The following RETREG1 variants were observed in gnomAD, a reference collection of about 807,000 sequenced individuals.
RETREG1 encodes the protein reticulophagy regulator 1.
Under a neutral mutation model 54.8 loss-of-function variants are expected in RETREG1, and 44 were observed. That is an observed-to-expected ratio of 0.80 (90% CI 0.63 to 1.03). RETREG1 has a LOEUF of 1.03. Among genes scored for constraint, RETREG1 ranks in the 50% least tolerant of loss-of-function variants. RETREG1 has a pLI of 0.00. For missense variants in RETREG1, 554 were observed against 605.1 expected, an observed-to-expected ratio of 0.92 and a Z score of 0.89; for synonymous variants, 217 against 238.5, an observed-to-expected ratio of 0.91 and a Z score of 0.83.
At chr5:16,558,351 A>C (rs1270497226) in intron 3 of RETREG1, among the ~76,000 whole-genome samples, 2 of 152,218 alleles carry the variant, frequency 1.3e-5, no homozygotes, top group Non-Finnish European at 2.9e-5. Context: ...CCATGGGATG[A>C]CATATCAAGA....
intron 3 of RETREG1, among the ~76,000 whole-genome samples, chr5:16,540,176 A>G (rs535244541): frequency 2.0e-5 from 3 of 152,296 alleles, no homozygotes; most frequent in Admixed American, 1.3e-4. Flanking sequence ...CCAAGCCTGG[A>G]TCCCCCCGCT....
At chr5:16,532,221 G>A (rs886172606) in intron 3 of RETREG1, among the ~76,000 whole-genome samples, 18 of 152,142 alleles carry the variant, frequency 1.2e-4, no homozygotes, top group African/African-American at 3.9e-4. Context: ...TAACTCAGCT[G>A]CTAGCGTTCA....
chr5:16,572,414 T>C (rs1742201287), intron 1 of RETREG1, among the ~76,000 whole-genome samples: 1 of 152,088 alleles, frequency 6.6e-6, no homozygotes, highest in Non-Finnish European at 1.5e-5. Context: ...GGTTTCGCCA[T>C]GTTGGCCAGG....
intron 6 of RETREG1, 98 bp from the exon 7 acceptor site, chr5:16,478,196 C>T: frequency 1.4e-6 from 1 of 737,422 alleles, no homozygotes; most frequent in South Asian, 1.6e-5. Flanking sequence ...TTCTCATATT[C>T]TCCAAATACA....
At chr5:16,490,929 C>T (rs1198114215) in intron 3 of RETREG1, among the ~76,000 whole-genome samples, 1 of 152,188 alleles carries the variant, frequency 6.6e-6, no homozygotes, top group East Asian at 1.9e-4. Flanking sequence ...GGTGAAACTC[C>T]TTGGTCCTAA....
At chr5:16,553,600 T>C (rs1741605934) in intron 3 of RETREG1, among the ~76,000 whole-genome samples, 1 of 152,120 alleles carries the variant, frequency 6.6e-6, no homozygotes, top group Non-Finnish European at 1.5e-5. Flanking sequence ...AATATTCATA[T>C]TTCATTTAAA....
rs573381868 is a variant in RETREG1 at position 16,569,896 on chromosome 5, A to G, written c.427+2100T>C. ...CAGAAGAGAAGGTCAGGTGAGCATG[A>G]AAACAGATTGCAGTGATGCGGCTGC... is the stretch of plus-strand genomic sequence containing the variant. On this transcript the variant is annotated intron_variant, in intron 2 of 8. Transcript: ENST00000306320. 3.3e-5 allele frequency among the ~76,000 whole-genome samples: 5 copies of G among 152,352 alleles called. No homozygotes were observed. The East Asian group carries it at 9.7e-4, about 29-fold the overall frequency.
chr5:16,543,559 C>G (rs1741304872), intron 3 of RETREG1, among the ~76,000 whole-genome samples: 1 of 151,836 alleles, frequency 6.6e-6, no homozygotes, highest in South Asian at 2.1e-4. Flanking sequence ...GCCTGTAATC[C>G]CAGCTACTTG....
intron 3 of RETREG1, among the ~76,000 whole-genome samples, chr5:16,563,945 T>C (rs925217881): frequency 3.9e-5 from 6 of 152,206 alleles, no homozygotes; most frequent in African/African-American, 1.4e-4. Context: ...CCATTGACAA[T>C]ATATCTTAAA....
intron 3 of RETREG1, among the ~76,000 whole-genome samples, chr5:16,500,462 G>A (rs1739660501): frequency 6.6e-6 from 1 of 152,154 alleles, no homozygotes; most frequent in South Asian, 2.1e-4. Flanking sequence ...ATAATGTCAT[G>A]TGGAAGAAGA....
chr5:16,542,552 A>G (rs774533221), intron 3 of RETREG1, among the ~76,000 whole-genome samples: 17 of 152,228 alleles, frequency 1.1e-4, no homozygotes, highest in Non-Finnish European at 2.5e-4. Context: ...CGCAGCCCAG[A>G]GCCATTCCCT....
At chr5:16,564,665 C>T (rs1194964427) in intron 3 of RETREG1, among the ~76,000 whole-genome samples, 1 of 152,200 alleles carries the variant, frequency 6.6e-6, no homozygotes, top group African/African-American at 2.4e-5. Context: ...CCCTCCCAGG[C>T]TGCCCGCCAC....
chr5:16,512,197 A>C lies in RETREG1; in HGVS notation c.459-28725T>G, dbSNP rs561613972. Among the ~76,000 whole-genome samples the C allele has an allele frequency of 3.3e-5, 5 of 152,280 alleles. No homozygotes were observed. The South Asian group carries it at 1.0e-3, about 32-fold the overall frequency. ...GACTCACAGAATTCAGATGTGGGAG[A>C]GACCCTGAGTGCCACAGAAGTGATC... is the stretch of plus-strand genomic sequence containing the variant. On this transcript the variant is annotated intron_variant, in intron 3 of 8. Transcript: ENST00000306320.
At chr5:16,539,067 G>A (rs1741163460) in intron 3 of RETREG1, among the ~76,000 whole-genome samples, 1 of 152,170 alleles carries the variant, frequency 6.6e-6, no homozygotes, top group Non-Finnish European at 1.5e-5. Context: ...GGTGACTGAA[G>A]TCATCTCTCC....
intron 2 of RETREG1, 80 bp from the exon 3 acceptor site, chr5:16,565,873 A>G (rs1741992926): frequency 1.4e-6 from 2 of 1,430,334 alleles, no homozygotes; most frequent in East Asian, 4.8e-5. Flanking sequence ...GAACTAGTCC[A>G]AGCTATTTAA....
intron 3 of RETREG1, among the ~76,000 whole-genome samples, chr5:16,564,459 C>T (rs1741953284): frequency 6.6e-6 from 1 of 152,210 alleles, no homozygotes; most frequent in African/African-American, 2.4e-5. Context: ...CATTTTAATC[C>T]ATTCCAAACA....
At chr5:16,511,008 T>G (rs897416490) in intron 3 of RETREG1, among the ~76,000 whole-genome samples, 3 of 152,110 alleles carry the variant, frequency 2.0e-5, no homozygotes, top group Admixed American at 2.0e-4. Flanking sequence ...GAACTGAATA[T>G]ATCCCTGAGA....
At chr5:16,568,680 C>A (rs985264439) in intron 2 of RETREG1, among the ~76,000 whole-genome samples, 1 of 151,882 alleles carries the variant, frequency 6.6e-6, no homozygotes, top group African/African-American at 2.4e-5. Flanking sequence ...TTGCCAGGGG[C>A]TGGAGGAAGG....
At chr5:16,526,419 G>A (rs939343575) in intron 3 of RETREG1, among the ~76,000 whole-genome samples, 8 of 152,306 alleles carry the variant, frequency 5.3e-5, no homozygotes, top group Non-Finnish European at 1.0e-4. Context: ...CAGGAATGAG[G>A]CTTTGAGACC....
Sources: allele counts gnomAD v4.1 joint callset (sites outside exome capture counted in the v4.1 genomes callset), GRCh38; gene constraint gnomAD v4.1.1; transcripts MANE v1.5; gene names NCBI Gene and HGNC (gene_info 2026-07-23, HGNC 2026-07-21).